The following PRKAG2 variants were observed in gnomAD, a reference collection of about 807,000 sequenced individuals.
PRKAG2 encodes the protein protein kinase AMP-activated non-catalytic subunit gamma 2.
In PRKAG2, 26 loss-of-function variants were observed where a neutral mutation model predicts 69.6. The observed-to-expected ratio is 0.37, with a 90% CI of 0.27 to 0.52. PRKAG2 has a LOEUF of 0.52. PRKAG2 is among the 20% of genes least tolerant of loss of function. The pLI is 0.90. For missense variants in PRKAG2, 557 were observed against 740.0 expected (o/e 0.75, Z 2.87); for synonymous variants, 293 against 285.0 (o/e 1.03, Z -0.28).
intron 4 of PRKAG2, among the ~76,000 whole-genome samples, chr7:151,659,342 G>C (rs1272552498): frequency 6.6e-6 from 1 of 152,104 alleles, no homozygotes; most frequent in East Asian, 1.9e-4. Context: ...ACTTTGCTTT[G>C]TTCAGGGGAG....
intron 3 of PRKAG2, among the ~76,000 whole-genome samples, chr7:151,692,001 A>G (rs1025437750): frequency 6.6e-6 from 1 of 152,280 alleles, no homozygotes; most frequent in Non-Finnish European, 1.5e-5. Flanking sequence ...AGCCTAGGCA[A>G]CATAGTGGGA....
At chr7:151,668,938 T>C (rs1831422691) in intron 4 of PRKAG2, among the ~76,000 whole-genome samples, 2 of 152,152 alleles carry the variant, frequency 1.3e-5, no homozygotes, top group Non-Finnish European at 2.9e-5. Flanking sequence ...TGGAAGGAAA[T>C]TGGAAAAGCG....
chr7:151,679,038 G>A (rs1200819406), intron 3 of PRKAG2, among the ~76,000 whole-genome samples: 1 of 152,144 alleles, frequency 6.6e-6, no homozygotes, highest in African/African-American at 2.4e-5. Flanking sequence ...CTTTGAGGTG[G>A]GGTGGGGAGG....
intron 1 of PRKAG2, among the ~76,000 whole-genome samples, chr7:151,819,617 T>A (rs987745168): frequency 2.6e-5 from 4 of 152,202 alleles, no homozygotes; most frequent in African/African-American, 9.7e-5. Flanking sequence ...TAAGACCTTG[T>A]GTCCTGATTT....
chr7:151,841,449 G>A (rs1479401185), intron 1 of PRKAG2, among the ~76,000 whole-genome samples: 1 of 151,388 alleles, frequency 6.6e-6, no homozygotes, highest in African/African-American at 2.4e-5. Context: ...AGTAGGTAGG[G>A]ATGGTAGTGA....
intron 3 of PRKAG2, among the ~76,000 whole-genome samples, chr7:151,737,091 T>C (rs573918769): frequency 2.0e-5 from 3 of 152,262 alleles, no homozygotes; most frequent in Non-Finnish European, 4.4e-5. Flanking sequence ...TTTTGTCTGA[T>C]AGCCTCACTA....
intron 9 of PRKAG2, among the ~76,000 whole-genome samples, chr7:151,571,842 G>A (rs1266763800): frequency 6.6e-6 from 1 of 152,174 alleles, no homozygotes; most frequent in Non-Finnish European, 1.5e-5. Context: ...AGCTACAAAG[G>A]TTGCTTCTCC....
intron 3 of PRKAG2, among the ~76,000 whole-genome samples, chr7:151,744,341 C>G (rs1291833285): frequency 6.6e-6 from 1 of 152,214 alleles, no homozygotes; most frequent in Non-Finnish European, 1.5e-5. Flanking sequence ...GAGCCCCACC[C>G]CAGCCTTATC....
chr7:151,655,675 T>C (rs1424244894), intron 4 of PRKAG2, among the ~76,000 whole-genome samples: 1 of 152,160 alleles, frequency 6.6e-6, no homozygotes, highest in Non-Finnish European at 1.5e-5. Context: ...AAATCAAGGA[T>C]GGGACTCATC....
chr7:151,709,070 CGTGT>C (rs1172494744), intron 3 of PRKAG2, among the ~76,000 whole-genome samples: 1 of 152,142 alleles, frequency 6.6e-6, no homozygotes, highest in South Asian at 2.1e-4. Context: ...CATTGAGTGA[CGTGT>C]GTGACACTGA....
chr7:151,743,356 T>C (rs1267983122), intron 3 of PRKAG2, among the ~76,000 whole-genome samples: 1 of 152,158 alleles, frequency 6.6e-6, no homozygotes, highest in Non-Finnish European at 1.5e-5. Context: ...CAGTGCCCCG[T>C]GCTGTGTGGC....
intron 4 of PRKAG2, among the ~76,000 whole-genome samples, chr7:151,644,599 C>T (rs1397721385): frequency 6.6e-6 from 1 of 152,106 alleles, no homozygotes; most frequent in Non-Finnish European, 1.5e-5. Context: ...AGTTGATGGA[C>T]ATGTGGGATA....
chr7:151,688,782 ATGAATGAAGCATGGG>A (rs1835168302), intron 3 of PRKAG2, among the ~76,000 whole-genome samples: 1 of 152,200 alleles, frequency 6.6e-6, no homozygotes, highest in Non-Finnish European at 1.5e-5. Context: ...GACGAAACTG[ATGAATGAAGCATGGG>A]TACACAGATT....
intron 3 of PRKAG2, among the ~76,000 whole-genome samples, chr7:151,700,169 A>AG (rs1172335966): frequency 1.2e-4 from 18 of 152,222 alleles, no homozygotes; most frequent in African/African-American, 4.1e-4. Flanking sequence ...GACGTTTAGC[A>AG]GCTCCTTCTG....
chr7:151,556,992 G>A lies in PRKAG2; in HGVS notation c.*209C>T, dbSNP rs1221463691. ...AGCATTTAAAATCCTTCAGACAAAG[G>A]TCTGAAAACAGTCTTTTAATGCAAG... On this transcript the variant is annotated 3_prime_UTR_variant, in exon 16 of 16. Transcript: ENST00000287878. 8 of 713,762 alleles carry A rather than the reference G, an allele frequency of 1.1e-5. No homozygotes were observed. In the Admixed American group the frequency reaches 2.0e-4, roughly 17 times the overall value. The allele number at this position is 713,762 out of a possible 1,614,324, so 44.2% of individuals were successfully genotyped here. A position where few individuals can be genotyped will look rare whatever the true frequency, so the allele number is the denominator to read the frequency against.
intron 3 of PRKAG2, among the ~76,000 whole-genome samples, chr7:151,725,376 G>T (rs987734679): frequency 6.6e-6 from 1 of 152,056 alleles, no homozygotes; most frequent in Non-Finnish European, 1.5e-5. Flanking sequence ...GGCCTCCAGG[G>T]GCTGGGGAGG....
At chr7:151,663,929 G>A (rs914538286) in intron 4 of PRKAG2, among the ~76,000 whole-genome samples, 4 of 152,176 alleles carry the variant, frequency 2.6e-5, no homozygotes, top group Non-Finnish European at 2.9e-5. Flanking sequence ...GAAATATTTC[G>A]GCTTTGTGAG....
intron 3 of PRKAG2, among the ~76,000 whole-genome samples, chr7:151,683,447 G>A (rs1329919865): frequency 1.3e-5 from 2 of 152,178 alleles, no homozygotes; most frequent in East Asian, 3.9e-4. Context: ...ATGCCTATCT[G>A]GTGCAATCCG....
intron 5 of PRKAG2, among the ~76,000 whole-genome samples, chr7:151,597,774 A>G (rs935611742): frequency 6.6e-6 from 1 of 151,980 alleles, no homozygotes; most frequent in Admixed American, 6.6e-5. Context: ...AAACAAAACA[A>G]AACAAAACAA....
Sources: allele counts gnomAD v4.1 joint callset (sites outside exome capture counted in the v4.1 genomes callset), GRCh38; gene constraint gnomAD v4.1.1; transcripts MANE v1.5; gene names NCBI Gene and HGNC (gene_info 2026-07-23, HGNC 2026-07-21).